The following MGRN1 variants were observed in gnomAD, a reference collection of about 807,000 sequenced individuals.
MGRN1 encodes mahogunin ring finger 1, also known as E3 ubiquitin-protein ligase MGRN1.
MGRN1 carries 29 observed loss-of-function variants against 69.2 expected under a neutral mutation model. The ratio of observed to expected loss-of-function variants is 0.42; its 90% CI spans 0.31 to 0.57. The LOEUF is 0.57. Among genes scored for constraint, MGRN1 ranks in the 20% least tolerant of loss-of-function variants. The pLI, the probability that MGRN1 is intolerant of heterozygous loss-of-function variation, is 0.15. For synonymous variants in MGRN1, 470 were observed against 344.2 expected (o/e 1.37, Z -4.04); for missense variants, 998 against 796.2 (o/e 1.25, Z -3.05).
In MGRN1 at chr16:4,688,534, C is replaced by G. The variant is rs2079386601; in HGVS notation, c.1619-262C>G. On this transcript the variant is annotated intron_variant, in intron 16 of 16. Transcript: ENST00000262370. ...ATCCACCGCGGTGCCGTGTCGCGCT[C>G]TGACTCGGGGCTGCAGATCTGCTGT... 1.3e-5 allele frequency: 16 copies of G among 1,252,912 alleles called. No homozygotes were observed. In the East Asian group the frequency reaches 3.8e-4, roughly 30 times the overall value. 77.6% of individuals were successfully genotyped at this position (1,252,912 alleles called of 1,614,324 possible). A position where few individuals can be genotyped will look rare whatever the true frequency, so the allele number is the denominator to read the frequency against.
intron 1 of MGRN1, among the ~76,000 whole-genome samples, chr16:4,628,278 C>T (rs372130195): frequency 6.7e-5 from 10 of 148,444 alleles, no homozygotes; most frequent in African/African-American, 2.5e-4. Context: ...CCCAGCCACT[C>T]GGGAGGCTGA....
At chr16:4,679,739 T>C (rs1472393638) in intron 11 of MGRN1, among the ~76,000 whole-genome samples, 1 of 152,166 alleles carries the variant, frequency 6.6e-6, no homozygotes, top group Non-Finnish European at 1.5e-5. Context: ...CTTGGCCAAA[T>C]CTGTTGCCCC....
chr16:4,680,263 G>A (rs80021013), intron 12 of MGRN1, 166 bp downstream of exon 12: 13,172 of 682,774 alleles, frequency 0.019, 186 homozygotes, highest in Non-Finnish European at 0.025. Context: ...TTGTGGAACC[G>A]GAAAAGCTCT....
At chr16:4,645,361 G>A (rs185626700) in intron 1 of MGRN1, among the ~76,000 whole-genome samples, 5 of 152,214 alleles carry the variant, frequency 3.3e-5, no homozygotes, top group East Asian at 1.9e-4. Context: ...TAGAGACAGC[G>A]TCTCCCTATG....
intron 1 of MGRN1, among the ~76,000 whole-genome samples, chr16:4,639,546 C>G (rs1217512831): frequency 6.6e-6 from 1 of 152,192 alleles, no homozygotes; most frequent in East Asian, 1.9e-4. Flanking sequence ...ACAGGCAGGA[C>G]AGTTGTCTCC....
chr16:4,684,141 G>C (rs1348064840), intron 16 of MGRN1, among the ~76,000 whole-genome samples: 1 of 152,276 alleles, frequency 6.6e-6, no homozygotes, highest in Non-Finnish European at 1.5e-5. Flanking sequence ...GGCAGGGCCT[G>C]GCTCTTGGGA....
At chr16:4,688,714 C>G in intron 16 of MGRN1, 82 bp from the exon 17 acceptor site, 3 of 1,478,566 alleles carry the variant, frequency 2.0e-6, no homozygotes, top group South Asian at 1.3e-5. Context: ...CCCAGCCCCT[C>G]TGGGGCTCCA....
chr16:4,678,867 C>A (rs1448435729), intron 11 of MGRN1, among the ~76,000 whole-genome samples: 1 of 152,264 alleles, frequency 6.6e-6, no homozygotes, highest in Non-Finnish European at 1.5e-5. Flanking sequence ...CTCCCAAGCC[C>A]CCTTGATCAG....
chr16:4,678,508 T>C (rs865829724), intron 11 of MGRN1, among the ~76,000 whole-genome samples: 2 of 146,034 alleles, frequency 1.4e-5, no homozygotes, highest in East Asian at 2.0e-4. Context: ...GATGGAGAGA[T>C]AGGAAGAGAC....
chr16:4,682,246 C>T (rs888110479), intron 13 of MGRN1, among the ~76,000 whole-genome samples: 3 of 152,226 alleles, frequency 2.0e-5, no homozygotes, highest in East Asian at 1.9e-4. Context: ...CCACGGGGCA[C>T]GGTCCCTCTC....
At chr16:4,682,302 G>C (rs2079203898) in intron 13 of MGRN1, among the ~76,000 whole-genome samples, 1 of 152,256 alleles carries the variant, frequency 6.6e-6, no homozygotes, top group Admixed American at 6.5e-5. Context: ...AGCCTTCGGA[G>C]GGCCTGGCTC....
At chr16:4,683,156 G>A in intron 14 of MGRN1, 68 bp from the exon 15 acceptor site, 1 of 1,591,814 alleles carries the variant, frequency 6.3e-7, no homozygotes, top group Non-Finnish European at 8.6e-7. Flanking sequence ...CGTGCCTGAT[G>A]GCGGCTTGTC....
Position 4,683,930 on chromosome 16 carries a change from C to T in MGRN1, c.1616C>T (p.Pro539Leu). 6.4e-7 allele frequency: 1 copy of T among 1,553,562 alleles called. No homozygotes were observed. ...GRGPPADIYL[P>L]GRPTSMETAH... Reference sequence around the variant, plus strand: ...GGCCCACCTGCTGACATCTACCTGCCAGGTAAGGGGCTGGGGGTCTGGGGG... The same window carrying T: ...GGCCCACCTGCTGACATCTACCTGCTAGGTAAGGGGCTGGGGGTCTGGGGG... The change falls in exon 16 of 17, where the codon CCA (proline) becomes CTA (leucine). Residue 539 changes from proline (P) to leucine (L), a missense_variant and splice_region_variant. Physicochemically the swap from Pro to Leu is moderately conservative, Grantham distance 98. Coordinates refer to ENST00000262370, the MANE Select transcript of MGRN1 (RefSeq NM_015246.4).
rs201958896 is a variant in MGRN1 at position 4,652,820 on chromosome 16, G to A, written c.439G>A (p.Ala147Thr). ...QASEEFLNGRAVYSPKSPSLQ... is the reference protein window; with the variant it reads ...QASEEFLNGRTVYSPKSPSLQ... ...ATCGGAGGAGTTCCTGAACGGCAGGGCAGTGTGAGTCCCGCGGGCGGCTGG... is the reference window on the plus strand; with the variant it reads ...ATCGGAGGAGTTCCTGAACGGCAGGACAGTGTGAGTCCCGCGGGCGGCTGG... Residue 147 changes from alanine (A) to threonine (T), a missense_variant, in exon 4 of 17, where the codon GCA (alanine) becomes ACA (threonine). By Grantham distance (58) the Ala-to-Thr change is moderately conservative (BLOSUM62 0). Coordinates refer to ENST00000262370, the MANE Select transcript of MGRN1 (RefSeq NM_015246.4). The A allele has an allele frequency of 5.4e-5, 87 of 1,604,132 alleles. No individual in the cohort carries two copies. The African/African-American group carries it at 6.0e-4, about 11-fold the overall frequency.
intron 1 of MGRN1, among the ~76,000 whole-genome samples, chr16:4,635,745 C>A (rs1898252211): frequency 6.6e-6 from 1 of 151,986 alleles, no homozygotes; most frequent in Non-Finnish European, 1.5e-5. Context: ...AGCGACTCTC[C>A]CGCCAAAGCC....
intron 13 of MGRN1, 144 bp from the exon 14 acceptor site, chr16:4,682,679 G>A: frequency 1.0e-6 from 1 of 991,478 alleles, no homozygotes; most frequent in Non-Finnish European, 1.4e-6. Flanking sequence ...CCGGTGGCTG[G>A]TGATGCCCTT....
chr16:4,644,305 GTT>G (rs79613493), intron 1 of MGRN1, among the ~76,000 whole-genome samples: 44 of 107,564 alleles, frequency 4.1e-4, no homozygotes, highest in African/African-American at 1.1e-3. Context: ...TCAATTACCA[GTT>G]TTTTTTTTTT....
intron 10 of MGRN1, 120 bp downstream of exon 10, chr16:4,673,777 T>C: frequency 7.7e-7 from 1 of 1,293,324 alleles, no homozygotes. Context: ...AGAGTTGTCA[T>C]TCATCTAGTC....
intron 1 of MGRN1, among the ~76,000 whole-genome samples, chr16:4,635,488 G>A (rs141850495): frequency 7.7e-4 from 115 of 150,086 alleles, no homozygotes; most frequent in African/African-American, 2.6e-3. Context: ...TCTTTTTTTC[G>A]AGACAGAGTC....
Sources: allele counts gnomAD v4.1 joint callset (sites outside exome capture counted in the v4.1 genomes callset), GRCh38; gene constraint gnomAD v4.1.1; transcripts MANE v1.5; gene names NCBI Gene and HGNC (gene_info 2026-07-23, HGNC 2026-07-21).